The following MORN5 variants were observed in gnomAD, a reference collection of about 807,000 sequenced individuals.
MORN5 encodes MORN repeat-containing protein 5.
In MORN5, 21 loss-of-function variants were observed where a neutral mutation model predicts 22.1. That is an observed-to-expected ratio of 0.95 (90% CI 0.67 to 1.37). The LOEUF (loss-of-function observed/expected upper bound fraction) is 1.37, where lower values mean the gene tolerates loss of function less well. MORN5 is among the 40% of genes most tolerant of loss of function. The pLI is 0.00. For synonymous variants in MORN5, 73 were observed against 74.0 expected, an observed-to-expected ratio of 0.99 and a Z score of 0.07; for missense variants, 211 against 215.1, an observed-to-expected ratio of 0.98 and a Z score of 0.12.
intron 4 of MORN5, among the ~76,000 whole-genome samples, chr9:122,189,319 C>A (rs1274425142): frequency 6.6e-6 from 1 of 151,966 alleles, no homozygotes; most frequent in Admixed American, 6.5e-5. Flanking sequence ...GCTATGTGGG[C>A]CAGGCTTGGT....
rs373334389 is a variant in MORN5 at position 122,199,845 on chromosome 9, C to T, written c.440-40C>T. The stretch of plus-strand genomic sequence containing the variant: ...CCCCCCAGGCCAGGAAAGGTCCCAG[C>T]GAGCACCAAGCATGACCAGCTCTTC... On this transcript the variant is annotated intron_variant, in intron 4 of 4. Coordinates refer to ENST00000373764, the MANE Select transcript of MORN5 (RefSeq NM_198469.4). The T allele has an allele frequency of 3.5e-5, 57 of 1,610,780 alleles. 1 individual carries two copies. The East Asian group carries it at 1.1e-3, about 30-fold the overall frequency.
chr9:122,164,309 G>A (rs1829245429), intron 1 of MORN5, among the ~76,000 whole-genome samples: 1 of 152,122 alleles, frequency 6.6e-6, no homozygotes, highest in African/African-American at 2.4e-5. Flanking sequence ...GTGAAGATGG[G>A]GAGATCAGCT....
At chr9:122,171,203 G>T (rs1829360657) in intron 3 of MORN5, among the ~76,000 whole-genome samples, 3 of 152,140 alleles carry the variant, frequency 2.0e-5, no homozygotes, top group African/African-American at 7.2e-5. Context: ...GCCTGCACAA[G>T]TCAACCTCCG....
Position 122,174,865 on chromosome 9 carries a change from G to T in MORN5, c.439+238G>T, listed in dbSNP as rs965878239. The T allele has an allele frequency of 4.5e-6, 6 of 1,327,372 alleles. No individual in the cohort carries two copies. The South Asian group carries it at 7.6e-5, about 17-fold the overall frequency. The allele number at this position is 1,327,372 out of a possible 1,614,324, so 82.2% of individuals were successfully genotyped here. The stretch of plus-strand genomic sequence containing the variant: ...CTAGCAGTGACGGCACATAAATGTC[G>T]CACTGAAAGGATTAAGGTACTTATT... On this transcript the variant is annotated intron_variant, in intron 4 of 4. Coordinates refer to ENST00000373764, the MANE Select transcript of MORN5 (RefSeq NM_198469.4).
chr9:122,199,906 T>A lies in MORN5; in HGVS notation c.461T>A (p.Ile154Asn), dbSNP rs1017071798. The change falls in exon 5 of 5, where the codon ATC becomes AAC. Residue 154 changes from isoleucine to asparagine, a missense_variant. Coordinates refer to ENST00000373764, the MANE Select transcript of MORN5 (RefSeq NM_198469.4). The stretch of plus-strand genomic sequence containing the variant: ...GCAGATGATGACGAGCATGAGTGGA[T>A]CACCCGTACCTGTCGAAAGGGCTAG... ...RNADDDEHEWITRTCRKG is the reference protein window; with the variant it reads ...RNADDDEHEWNTRTCRKG 6.2e-7 allele frequency: 1 copy of A among 1,613,906 alleles called. No individual in the cohort carries two copies. Among genetic ancestry groups the A allele is most frequent in the Admixed American group, 1.7e-5 (1 of 60,016 alleles).
Position 122,168,422 on chromosome 9 carries a change from T to C in MORN5, c.196-1223T>C, listed in dbSNP as rs1354112525. On this transcript the variant is annotated intron_variant, in intron 2 of 4. Coordinates refer to ENST00000373764, the MANE Select transcript of MORN5 (RefSeq NM_198469.4). ...ACTAAGTTTTTCTCCAGGAAAAGCA[T>C]CTATAGCTTTCATCAGTTTCACTAA... 4.6e-5 allele frequency among the ~76,000 whole-genome samples: 7 copies of C among 152,328 alleles called. No homozygotes were observed. The South Asian group carries it at 1.5e-3, about 32-fold the overall frequency.
At chr9:122,167,014 G>T (rs1829295868) in intron 2 of MORN5, 99 bp downstream of exon 2, 5 of 1,117,430 alleles carry the variant, frequency 4.5e-6, no homozygotes, top group Non-Finnish European at 6.2e-6. Context: ...TGCCCACCTT[G>T]TTCCATTCAC....
intron 4 of MORN5, among the ~76,000 whole-genome samples, chr9:122,176,786 G>A (rs2055343125): frequency 6.6e-6 from 1 of 152,160 alleles, no homozygotes; most frequent in Non-Finnish European, 1.5e-5. Flanking sequence ...GCTGAGGCAG[G>A]AGAATCACTT....
intron 3 of MORN5, among the ~76,000 whole-genome samples, chr9:122,172,742 T>C (rs1226538248): frequency 6.6e-6 from 1 of 152,114 alleles, no homozygotes; most frequent in Non-Finnish European, 1.5e-5. Context: ...TGGCATACAG[T>C]GGGTACTCGT....
chr9:122,185,554 G>T (rs1829614127), intron 4 of MORN5, among the ~76,000 whole-genome samples: 1 of 150,704 alleles, frequency 6.6e-6, no homozygotes, highest in Non-Finnish European at 1.5e-5. Context: ...TAGAGATGGG[G>T]TTTCACCGTG....
Position 122,169,679 on chromosome 9 carries a change from A to G in MORN5, c.230A>G (p.Asp77Gly). 1 of 1,614,068 alleles carries G rather than the reference A, an allele frequency of 6.2e-7. No homozygotes were observed. Among genetic ancestry groups the G allele is most frequent in the Non-Finnish European group, 8.5e-7 (1 of 1,179,976 alleles). The change falls in exon 3 of 5, where the codon GAT becomes GGT. Residue 77 changes from aspartate to glycine, a missense_variant. Transcript: ENST00000373764. Reference sequence around the variant, plus strand: ...ACGTTCTCAGATGGGCTGCACTATGATGAGAAAAACTGGCATTACTGCGAC... The same window carrying G: ...ACGTTCTCAGATGGGCTGCACTATGGTGAGAAAAACTGGCATTACTGCGAC... ...TYTFSDGLHYDEKNWHYCDGY... is the reference protein window; with the variant it reads ...TYTFSDGLHYGEKNWHYCDGY...
intron 4 of MORN5, among the ~76,000 whole-genome samples, chr9:122,189,650 A>G (rs1392571549): frequency 1.3e-5 from 2 of 152,044 alleles, no homozygotes. Flanking sequence ...TCTGTCGCCC[A>G]GGCTGGAGTG....
intron 1 of MORN5, among the ~76,000 whole-genome samples, chr9:122,166,036 G>A (rs989517238): frequency 6.6e-6 from 1 of 152,126 alleles, no homozygotes; most frequent in African/African-American, 2.4e-5. Flanking sequence ...GGACGCAAAG[G>A]GGGAGCAAGG....
At chr9:122,161,848 G>T (rs968834499) in intron 1 of MORN5, among the ~76,000 whole-genome samples, 2 of 152,118 alleles carry the variant, frequency 1.3e-5, no homozygotes, top group Non-Finnish European at 2.9e-5. Flanking sequence ...TCCATGCTTT[G>T]GCCCTAGGAA....
chr9:122,160,166 C>A, intron 1 of MORN5, 147 bp downstream of exon 1: 1 of 668,762 alleles, frequency 1.5e-6, no homozygotes, highest in Non-Finnish European at 2.6e-6. Flanking sequence ...TAATAAGCAG[C>A]AAAGCTAAGA....
At chr9:122,160,170 G>C (rs1197828292) in intron 1 of MORN5, 151 bp downstream of exon 1, 1 of 654,442 alleles carries the variant, frequency 1.5e-6, no homozygotes, top group Non-Finnish European at 2.7e-6. Context: ...AAGCAGCAAA[G>C]CTAAGATGCA....
At chr9:122,161,471 G>C (rs1294041796) in intron 1 of MORN5, among the ~76,000 whole-genome samples, 1 of 152,192 alleles carries the variant, frequency 6.6e-6, no homozygotes, top group Non-Finnish European at 1.5e-5. Context: ...TCACTACTCA[G>C]TGAGATAGTT....
At chr9:122,193,571 G>A (rs964662177) in intron 4 of MORN5, among the ~76,000 whole-genome samples, 6 of 152,228 alleles carry the variant, frequency 3.9e-5, no homozygotes, top group African/African-American at 1.2e-4. Flanking sequence ...GCGACAGAGC[G>A]AGACTCCGTC....
chr9:122,190,380 A>G (rs943449864), intron 4 of MORN5, among the ~76,000 whole-genome samples: 4 of 152,222 alleles, frequency 2.6e-5, no homozygotes, highest in African/African-American at 9.7e-5. Context: ...ATTGGCCATG[A>G]TTTCCTGAGA....
Sources: allele counts gnomAD v4.1 joint callset (sites outside exome capture counted in the v4.1 genomes callset), GRCh38; gene constraint gnomAD v4.1.1; transcripts MANE v1.5; gene names NCBI Gene and HGNC (gene_info 2026-07-23, HGNC 2026-07-21).